GRHL3: variants seen among roughly 807,000 people sequenced by gnomAD.
GRHL3 encodes grainyhead like transcription factor 3.
GRHL3 carries 20 observed loss-of-function variants against 70.3 expected under a neutral mutation model. That is an observed-to-expected ratio of 0.28 (90% CI 0.20 to 0.41). GRHL3 has a LOEUF of 0.41. Among genes scored for constraint, GRHL3 ranks in the 10% least tolerant of loss-of-function variants. The pLI is 1.00. For missense variants in GRHL3, 637 were observed against 762.3 expected (o/e 0.84, Z 1.94); for synonymous variants, 299 against 299.9 (o/e 1.00, Z 0.03).
chr1:24,334,102 C>G lies in GRHL3; in HGVS notation c.205-543C>G, dbSNP rs1639706151. Among the ~76,000 whole-genome samples the G allele has an allele frequency of 6.6e-6, 1 of 152,160 alleles. No homozygotes were observed. The highest frequency in any genetic ancestry group is 2.4e-5 in the African/African-American group (1 of 41,442). On this transcript the variant is annotated intron_variant, in intron 2 of 15. Coordinates refer to ENST00000361548, the MANE Select transcript of GRHL3 (RefSeq NM_198173.3). This position sits in a 1 kb window ranked among gnomAD's most constrained non-coding sequence, Gnocchi z 4.3. ...AACTATCAAGCTTGAGGTTCTTCTT[C>G]CCACTCCCTGACTTGGGGCTCAGAC...
intron 11 of GRHL3, 31 bp downstream of exon 11, chr1:24,343,056 GCCGAGAGAGGGT>G: frequency 6.2e-7 from 1 of 1,613,526 alleles, no homozygotes. Context: ...TCGGGAAGGA[GCCGAGAGAGGGT>G]CCTGGCTCCT....
At chr1:24,330,092 C>A (rs1374363002) in intron 1 of GRHL3, among the ~76,000 whole-genome samples, 2 of 152,146 alleles carry the variant, frequency 1.3e-5, no homozygotes, top group African/African-American at 4.8e-5. Context: ...AAATAATGGA[C>A]ATATAATAAT....
At chr1:24,348,726 C>T (rs1640389676) in intron 14 of GRHL3, among the ~76,000 whole-genome samples, 1 of 152,176 alleles carries the variant, frequency 6.6e-6, no homozygotes, top group Non-Finnish European at 1.5e-5. Flanking sequence ...CTGAGTTCTT[C>T]CTTAGATTGA....
chr1:24,334,649 C>T lies in GRHL3; in HGVS notation c.209C>T (p.Pro70Leu). 6.2e-7 allele frequency: 1 copy of T among 1,610,482 alleles called. No individual in the cohort carries two copies. The highest frequency in any genetic ancestry group is 8.5e-7 in the Non-Finnish European group (1 of 1,178,602). The change falls in exon 3 of 16, where the codon CCC (proline) becomes CTC (leucine). Residue 70 changes from proline (P) to leucine (L), a missense_variant. Transcript: ENST00000361548. The surrounding 1 kb of genome is among the most constrained non-coding windows in gnomAD (Gnocchi z 4.3). The part of the protein sequence containing the change: ...LSFLYDYYMG[P>L]KEKRILSSST... ...CCTTCCTTTCTCTCTTCTCAGGGTC[C>T]CAAGGAGAAGCGGATATTGTCCTCC...
intron 15 of GRHL3, among the ~76,000 whole-genome samples, chr1:24,353,979 C>T (rs1025450229): frequency 1.3e-5 from 2 of 152,180 alleles, no homozygotes; most frequent in African/African-American, 4.8e-5. Flanking sequence ...GAACCCAACC[C>T]ACCACCCCTC....
rs139231833 is a variant in GRHL3, at chr1:24,342,789, G to A, written c.1285+17G>A. The A allele has an allele frequency of 1.5e-4, 236 of 1,613,988 alleles. No homozygotes were observed. In the African/African-American group the frequency reaches 2.7e-3, roughly 18 times the overall value. ...GCAACAGTGGTCAGTGGGGATCCAG[G>A]GCCTGGGTGGGCTCGGCTGGCGTGA... On this transcript the variant is annotated intron_variant, in intron 10 of 15. Coordinates refer to ENST00000361548, the MANE Select transcript of GRHL3 (RefSeq NM_198173.3). This position sits in a 1 kb window ranked among gnomAD's most constrained non-coding sequence, Gnocchi z 4.8.
chr1:24,334,788 A>AT lies in GRHL3; in HGVS notation c.266+84dup. ...TCTTCCACACAGGTTTGACTTATCC[A>AT]TTAGGCACAGGAGGCACAGTGCTGA... On this transcript the variant is annotated intron_variant, in intron 3 of 15. Transcript: ENST00000361548. This position sits in a 1 kb window ranked among gnomAD's most constrained non-coding sequence, Gnocchi z 4.3. 8.5e-6 allele frequency: 9 copies of AT among 1,060,788 alleles called. No individual in the cohort carries two copies. Among genetic ancestry groups the AT allele is most frequent in the African/African-American group, 1.6e-5 (1 of 63,616 alleles). The allele number at this position is 1,060,788 out of a possible 1,614,324, so 65.7% of individuals were successfully genotyped here.
chr1:24,355,898 C>T (rs990309463), downstream of GRHL3, among the ~76,000 whole-genome samples: 1 of 144,718 alleles, frequency 6.9e-6, no homozygotes, highest in Non-Finnish European at 1.5e-5. Context: ...TTTCATTTAT[C>T]TTTTTTTTTT....
At position 24,342,084 on chromosome 1, in the gene GRHL3, C is replaced by G. The variant is rs774381898; in HGVS notation, c.1048-31C>G. The G allele has an allele frequency of 6.5e-7, 1 of 1,528,144 alleles. No homozygotes were observed. Among genetic ancestry groups the G allele is most frequent in the Non-Finnish European group, 8.8e-7 (1 of 1,132,970 alleles). The allele number at this position is 1,528,144 out of a possible 1,614,324, so 94.7% of individuals were successfully genotyped here. The stretch of plus-strand genomic sequence containing the variant: ...CGGTGGGGCTGGCCACCTGGGCAGG[C>G]CACTTACCCAGCGGCCCCCTCTGTC... On this transcript the variant is annotated intron_variant, in intron 8 of 15. Coordinates refer to ENST00000361548, the MANE Select transcript of GRHL3 (RefSeq NM_198173.3). The surrounding 1 kb of genome is among the most constrained non-coding windows in gnomAD (Gnocchi z 4.8).
intron 15 of GRHL3, among the ~76,000 whole-genome samples, chr1:24,351,229 G>A (rs1640491472): frequency 6.6e-6 from 1 of 152,186 alleles, no homozygotes; most frequent in African/African-American, 2.4e-5. Flanking sequence ...AGAAGACTTT[G>A]CAAAGCGAGG....
intron 13 of GRHL3, 144 bp downstream of exon 13, chr1:24,346,785 G>A (rs1386916975): frequency 8.0e-6 from 5 of 623,368 alleles, no homozygotes; most frequent in Middle Eastern, 3.9e-4. Flanking sequence ...CTTGGGGGTG[G>A]GGGTAAGGAG....
chr1:24,344,485 GA>G (rs57193515), intron 11 of GRHL3, among the ~76,000 whole-genome samples: 8,469 of 55,856 alleles, frequency 0.15, 275 homozygotes, highest in East Asian at 0.23. Flanking sequence ...TTTCCCCCCA[GA>G]AAAAAAAAAA....
downstream of GRHL3, chr1:24,358,562 T>A: frequency 6.2e-7 from 1 of 1,614,068 alleles, no homozygotes; most frequent in Non-Finnish European, 8.5e-7. Flanking sequence ...CGGGATCCAT[T>A]TCTTGTCCTC....
chr1:24,328,769 G>T (rs1639486912), intron 1 of GRHL3, among the ~76,000 whole-genome samples: 1 of 152,196 alleles, frequency 6.6e-6, no homozygotes, highest in Non-Finnish European at 1.5e-5. Context: ...CTTGTTTTGT[G>T]CCAGTCAGAG....
intron 15 of GRHL3, among the ~76,000 whole-genome samples, chr1:24,353,923 G>A (rs1249531222): frequency 6.6e-6 from 1 of 152,110 alleles, no homozygotes; most frequent in Non-Finnish European, 1.5e-5. Flanking sequence ...TGTGGCACCT[G>A]CCTCTGGCTC....
chr1:24,346,680 C>T (rs749445527), intron 13 of GRHL3, 39 bp downstream of exon 13: 2 of 1,478,376 alleles, frequency 1.4e-6, no homozygotes, highest in South Asian at 1.2e-5. Context: ...CCAGGCCCAC[C>T]CCAGCTCCCA....
chr1:24,328,128 T>C (rs936916403), intron 1 of GRHL3, among the ~76,000 whole-genome samples: 2 of 152,198 alleles, frequency 1.3e-5, no homozygotes, highest in Non-Finnish European at 2.9e-5. Flanking sequence ...TAGTTCAATG[T>C]ATTTTGAGAA....
intron 2 of GRHL3, among the ~76,000 whole-genome samples, chr1:24,332,859 G>A (rs1390418590): frequency 6.6e-6 from 1 of 152,212 alleles, no homozygotes; most frequent in Non-Finnish European, 1.5e-5. Context: ...TCTGGCTTTG[G>A]TTCTCCTTCT....
rs763339319 is a variant in GRHL3, at chr1:24,337,098, C to T, written c.633C>T (p.Ile211=). The T allele has an allele frequency of 6.2e-7, 1 of 1,614,100 alleles. No individual in the cohort carries two copies. Among genetic ancestry groups the T allele is most frequent in the South Asian group, 1.1e-5 (1 of 91,070 alleles). ...DPQESMLFPD[I]LKTSPEPPCP... Reference sequence around the variant, plus strand: ...TGCAGTCGATGCTCTTCCCAGATATCCTGAAAACCTCCCCGGAACCCCCAT... The same window carrying T: ...TGCAGTCGATGCTCTTCCCAGATATTCTGAAAACCTCCCCGGAACCCCCAT... Residue 211 remains isoleucine, a synonymous_variant, in exon 5 of 16, where the codon ATC becomes ATT. Coordinates refer to ENST00000361548, the MANE Select transcript of GRHL3 (RefSeq NM_198173.3).
Sources: allele counts gnomAD v4.1 joint callset (sites outside exome capture counted in the v4.1 genomes callset), GRCh38; gene constraint gnomAD v4.1.1; non-coding constraint Gnocchi (gnomAD v3.1); transcripts MANE v1.5; gene names NCBI Gene and HGNC (gene_info 2026-07-23, HGNC 2026-07-21).